Variants in AHDC1 observed in about 807,000 individuals in gnomAD.
The protein encoded by AHDC1 is AT-hook DNA binding motif containing 1, also known as transcription factor Gibbin.
Under a neutral mutation model 87.9 loss-of-function variants are expected in AHDC1, and 7 were observed. The observed-to-expected ratio is 0.08, with a 90% CI of 0.05 to 0.15. AHDC1 has a LOEUF of 0.15. Ranked by LOEUF, AHDC1 falls within the 10% of genes least tolerant of loss-of-function variation. The pLI is 1.00. For missense variants in AHDC1, 1,841 were observed against 2,253.2 expected (o/e 0.82, Z 3.70); for synonymous variants, 1,051 against 1,006.8 (o/e 1.04, Z -0.83).
intron 8 of AHDC1, among the ~76,000 whole-genome samples, chr1:27,545,058 T>C (rs1467724549): frequency 3.3e-5 from 5 of 151,996 alleles, no homozygotes; most frequent in Admixed American, 2.6e-4. Flanking sequence ...CAGAATGTTC[T>C]TCCCCCTCCC....
rs1478315623 is a variant in AHDC1, at chr1:27,560,145, T to C, written c.-628-1262A>G. ...AGCTTAAGTGTGTGCCTGGATTTGG[T>C]GTCTTCAGTCATACATGTGGGTATG... On this transcript the variant is annotated intron_variant, in intron 3 of 8. Transcript: ENST00000673934. The surrounding 1 kb of genome is among the most constrained non-coding windows in gnomAD (Gnocchi z 4.1). Among the ~76,000 whole-genome samples, 1 of 152,110 alleles carries C rather than the reference T, an allele frequency of 6.6e-6. No individual in the cohort carries two copies. The highest frequency in any genetic ancestry group is 1.5e-5 in the Non-Finnish European group (1 of 68,020).
chr1:27,578,700 C>T (rs934280145), intron 3 of AHDC1, among the ~76,000 whole-genome samples: 1 of 151,170 alleles, frequency 6.6e-6, no homozygotes, highest in Non-Finnish European at 1.5e-5. Context: ...TATGTGGCTT[C>T]TCTTTTTTTT....
intron 7 of AHDC1, 109 bp from the exon 8 acceptor site, chr1:27,552,298 T>G: frequency 1.8e-6 from 2 of 1,095,322 alleles, no homozygotes; most frequent in Non-Finnish European, 2.4e-6. Context: ...TCTCATCTCC[T>G]TACCAAGCTC....
At position 27,551,092 on chromosome 1, in the gene AHDC1, C is replaced by T; in HGVS notation, c.1024G>A (p.Asp342Asn). Residue 342 changes from aspartate (D) to asparagine (N), a missense_variant, in exon 8 of 9, where the codon GAC becomes AAC. This residue lies in a region of AHDC1 where 370 missense variants were observed against 391.5 expected (regional missense o/e 0.95). Coordinates refer to ENST00000673934, the MANE Select transcript of AHDC1 (RefSeq NM_001371928.1). ...QALDPLPKLL[D>N]VPGRRLEPQQ... ...GGCTCCAGACGGCGACCTGGGACGT[C>T]AAGCAGCTTGGGCAGGGGGTCGAGT... The T allele has an allele frequency of 6.4e-7, 1 of 1,570,522 alleles. No individual in the cohort carries two copies. The highest frequency in any genetic ancestry group is 8.6e-7 in the Non-Finnish European group (1 of 1,158,254).
rs199996166 is a variant in AHDC1 at position 27,547,981 on chromosome 1, G to A, written c.4135C>T (p.His1379Tyr). Residue 1379 changes from histidine (H) to tyrosine (Y), a missense_variant, in exon 8 of 9, where the codon CAT becomes TAT. By Grantham distance (83) the His-to-Tyr change is moderately conservative. Coordinates refer to ENST00000673934, the MANE Select transcript of AHDC1 (RefSeq NM_001371928.1). This position sits in a 1 kb window ranked among gnomAD's most constrained non-coding sequence, Gnocchi z 4.9. ...SLGAPELDGK[H>Y]FPPLAHPPTV... ...GGTGGGTGGGCCAGCGGTGGGAAAT[G>A]CTTGCCATCAAGCTCGGGAGCACCC... is the stretch of plus-strand genomic sequence containing the variant. 2 of 1,604,852 alleles carry A rather than the reference G, an allele frequency of 1.2e-6. No homozygotes were observed. Among genetic ancestry groups the A allele is most frequent in the Admixed American group, 3.3e-5 (2 of 59,804 alleles).
At position 27,547,160 on chromosome 1, in the gene AHDC1, C is replaced by G; in HGVS notation, c.*43+101G>C. 1 of 816,544 alleles carries G rather than the reference C, an allele frequency of 1.2e-6. No individual in the cohort carries two copies. The allele number at this position is 816,544 out of a possible 1,614,324, so 50.6% of individuals were successfully genotyped here. ...TCCCCAGCCTTGCCCTTAAATCCTG[C>G]ATTTGCTTCCTGCACTCCATACCTC... On this transcript the variant is annotated intron_variant, in intron 8 of 8. Coordinates refer to ENST00000673934, the MANE Select transcript of AHDC1 (RefSeq NM_001371928.1). This position sits in a 1 kb window ranked among gnomAD's most constrained non-coding sequence, Gnocchi z 4.9.
chr1:27,541,011 A>C (rs1245709743), intron 8 of AHDC1, among the ~76,000 whole-genome samples: 2 of 150,018 alleles, frequency 1.3e-5, no homozygotes, highest in Non-Finnish European at 3.0e-5. Flanking sequence ...TAAAAAAAAA[A>C]AAAAAAAAAA....
Position 27,558,897 on chromosome 1 carries a change from C to A in AHDC1, c.-628-14G>T. Reference sequence around the variant, plus strand: ...GCAAGCTCCCATCTGTGGAAGCAAACACAGCACCACAGAGATAAGCATGGA... The same window carrying A: ...GCAAGCTCCCATCTGTGGAAGCAAAAACAGCACCACAGAGATAAGCATGGA... On this transcript the variant is annotated splice_polypyrimidine_tract_variant and intron_variant, in intron 3 of 8. Coordinates refer to ENST00000673934, the MANE Select transcript of AHDC1 (RefSeq NM_001371928.1). The surrounding 1 kb of genome is among the most constrained non-coding windows in gnomAD (Gnocchi z 5.6). The A allele has an allele frequency of 2.5e-6, 1 of 398,688 alleles. No individual in the cohort carries two copies. Among genetic ancestry groups the A allele is most frequent in the South Asian group, 1.3e-4 (1 of 7,844 alleles). 24.7% of individuals were successfully genotyped at this position (398,688 alleles called of 1,614,324 possible). A position where few individuals can be genotyped will look rare whatever the true frequency, so the allele number is the denominator to read the frequency against.
rs1482366153 is a variant in AHDC1 at position 27,595,992 on chromosome 1, C to A, written c.-629+7405G>T. ...GTGAGTGTGTATGTGGGGCAGTTGT[C>A]TATTTAGAAGGTGTTGGGAGCTGTA... On this transcript the variant is annotated intron_variant, in intron 3 of 8. Transcript: ENST00000673934. This position sits in a 1 kb window ranked among gnomAD's most constrained non-coding sequence, Gnocchi z 4.0. 6.6e-6 allele frequency among the ~76,000 whole-genome samples: 1 copy of A among 151,790 alleles called. No individual in the cohort carries two copies. The highest frequency in any genetic ancestry group is 1.5e-5 in the Non-Finnish European group (1 of 67,928).
chr1:27,597,838 CAT>C (rs2089419132), intron 3 of AHDC1, among the ~76,000 whole-genome samples: 1 of 152,100 alleles, frequency 6.6e-6, no homozygotes. Flanking sequence ...TCAGCCTCCC[CAT>C]CTCTCTCCTT....
rs1335805418 is a variant in AHDC1, at chr1:27,551,146, A to G, written c.970T>C (p.Leu324=). The G allele has an allele frequency of 6.2e-7, 1 of 1,603,312 alleles. No homozygotes were observed. Residue 324 remains leucine (L), a synonymous_variant, in exon 8 of 9, where the codon TTG becomes CTG. Coordinates refer to ENST00000673934, the MANE Select transcript of AHDC1 (RefSeq NM_001371928.1). ...TGGGGGTCAAGCAGCTGCGACTCCA[A>G]GGAGTCAGGCAGGGTGTCCAGGGCC... ...LQALDTLPDS[L]ESQLLDPQAL...
At chr1:27,586,413 A>T (rs1040187545) in intron 3 of AHDC1, among the ~76,000 whole-genome samples, 3 of 152,166 alleles carry the variant, frequency 2.0e-5, no homozygotes, top group Non-Finnish European at 4.4e-5. Flanking sequence ...CTAACCCGGC[A>T]ATCACCTGGC....
intron 5 of AHDC1, among the ~76,000 whole-genome samples, chr1:27,555,135 C>T (rs2019761500): frequency 6.6e-6 from 1 of 152,222 alleles, no homozygotes; most frequent in Non-Finnish European, 1.5e-5. Flanking sequence ...AATTATCTAA[C>T]CCATTGGCTT....
At chr1:27,540,830 G>C (rs886516356) in intron 8 of AHDC1, among the ~76,000 whole-genome samples, 1 of 151,848 alleles carries the variant, frequency 6.6e-6, no homozygotes, top group Non-Finnish European at 1.5e-5. Context: ...GGAATACCTT[G>C]AATACCATGC....
chr1:27,549,534 C>T lies in AHDC1; in HGVS notation c.2582G>A (p.Arg861His), dbSNP rs930775574. The T allele has an allele frequency of 1.1e-5, 17 of 1,613,208 alleles. No individual in the cohort carries two copies. The highest frequency in any genetic ancestry group is 1.3e-5 in the Non-Finnish European group (15 of 1,179,978). Residue 861 changes from arginine (R) to histidine (H), a missense_variant, in exon 8 of 9, where the codon CGC (arginine) becomes CAC (histidine). Around this residue, in one of 13 missense-constraint regions of AHDC1, gnomAD observed 378 missense variants for 399.0 expected, o/e 0.95. Transcript: ENST00000673934. ...GCCCGATGCCTTCCGGGACTCTGGG[C>T]GAGAGGCTGAGAGGGCAAAGTCCAA... ...DLLDFALSAS[R>H]PESRKASGTY...
chr1:27,544,924 C>T (rs1397286611), intron 8 of AHDC1, among the ~76,000 whole-genome samples: 4 of 152,188 alleles, frequency 2.6e-5, no homozygotes, highest in African/African-American at 7.2e-5. Flanking sequence ...CCTTCTAATG[C>T]CCCGCATGAT....
chr1:27,536,437 C>T (rs915963410), intron 8 of AHDC1, among the ~76,000 whole-genome samples: 9 of 152,138 alleles, frequency 5.9e-5, no homozygotes, highest in Admixed American at 3.9e-4. Flanking sequence ...GAATACTAGC[C>T]GTAGGGGCGA....
At chr1:27,578,595 A>AG (rs1224439287) in intron 3 of AHDC1, among the ~76,000 whole-genome samples, 4 of 152,166 alleles carry the variant, frequency 2.6e-5, no homozygotes, top group Admixed American at 2.0e-4. Flanking sequence ...TCTCAAAAAA[A>AG]AAAAGAAAGA....
At chr1:27,541,668 C>T (rs2148219209) in intron 8 of AHDC1, among the ~76,000 whole-genome samples, 2 of 146,768 alleles carry the variant, frequency 1.4e-5, no homozygotes, top group Non-Finnish European at 3.0e-5. Context: ...TTGCTCTTGT[C>T]ACCCAGGCTG....
Sources: gnomAD v4.1 joint callset for allele counts (sites outside exome capture counted in the v4.1 genomes callset) on GRCh38, gnomAD v4.1.1 for gene constraint, gnomAD v4.1.1 regional missense constraint, Gnocchi (gnomAD v3.1) non-coding constraint, MANE v1.5 for transcripts, NCBI Gene and HGNC (gene_info 2026-07-23, HGNC 2026-07-21) for gene names.